Variants in GCFC2 observed in about 807,000 individuals in gnomAD.
The protein encoded by GCFC2 is GC-rich sequence DNA-binding factor 2.
In GCFC2, 102 loss-of-function variants were observed where a neutral mutation model predicts 99.4. The ratio of observed to expected loss-of-function variants is 1.03; its 90% CI spans 0.87 to 1.21. The LOEUF (loss-of-function observed/expected upper bound fraction) is 1.21, where lower values mean the gene tolerates loss of function less well. Among genes scored for constraint, GCFC2 ranks in the 50% most tolerant of loss-of-function variants. GCFC2 has a pLI of 0.00. For synonymous variants in GCFC2, 338 were observed against 316.8 expected (o/e 1.07, Z -0.71); for missense variants, 973 against 920.9 (o/e 1.06, Z -0.73).
chr2:75,690,386 C>T (rs977178818), intron 8 of GCFC2: 8 of 501,104 alleles, frequency 1.6e-5, no homozygotes, highest in East Asian at 1.1e-4. Context: ...TAATTAGGAC[C>T]GGTTTCTAGT....
chr2:75,703,804 G>A (rs1375754448), intron 2 of GCFC2, among the ~76,000 whole-genome samples: 1 of 152,158 alleles, frequency 6.6e-6, no homozygotes, highest in East Asian at 1.9e-4. Flanking sequence ...TGTTTTTATA[G>A]CTCCCTAGAG....
intron 16 of GCFC2, among the ~76,000 whole-genome samples, chr2:75,665,052 G>A (rs1313769857): frequency 6.6e-6 from 1 of 152,180 alleles, no homozygotes; most frequent in Non-Finnish European, 1.5e-5. Flanking sequence ...AGAAATTTCA[G>A]TAGTGCTGCG....
chr2:75,680,195 G>A lies in GCFC2; in HGVS notation c.1810C>T (p.Gln604Ter), dbSNP rs940792754. Residue 604 changes from glutamine (Q) to a stop codon, truncating the protein, a stop_gained and splice_region_variant, in exon 12 of 17, where the codon CAG (glutamine) becomes TAG (stop). Coordinates refer to ENST00000321027, the MANE Select transcript of GCFC2 (RefSeq NM_003203.5). LOFTEE classifies it high-confidence loss of function. ...TTCGCAACTCTAGAAATTATTACCT[G>A]TCTGCTTTTACTAACTTCATTTTCA... is the stretch of plus-strand genomic sequence containing the variant. The part of the protein sequence containing the change: ...TCENEVSKSR[Q>*]DLLKSIVSRM... 2 of 1,598,984 alleles carry A rather than the reference G, an allele frequency of 1.3e-6. No homozygotes were observed. The highest frequency in any genetic ancestry group is 2.7e-5 in the African/African-American group (2 of 74,600).
intron 9 of GCFC2, 114 bp downstream of exon 9, chr2:75,689,855 G>C: frequency 1.6e-6 from 1 of 614,250 alleles, no homozygotes. Flanking sequence ...CATTTTTCCT[G>C]AATTTACCCA....
At chr2:75,679,457 AGAGT>A (rs1396389817) in intron 12 of GCFC2, among the ~76,000 whole-genome samples, 6 of 152,250 alleles carry the variant, frequency 3.9e-5, no homozygotes, top group Admixed American at 6.5e-5. Context: ...CTACAATGAA[AGAGT>A]GAGAAGATTC....
At chr2:75,684,397 T>C (rs1679723591) in intron 11 of GCFC2, among the ~76,000 whole-genome samples, 1 of 152,068 alleles carries the variant, frequency 6.6e-6, no homozygotes, top group South Asian at 2.1e-4. Context: ...AATAAAGAAA[T>C]GGAGGCAGAA....
Position 75,696,018 on chromosome 2 carries a change from T to TG in GCFC2, c.833+181dup, listed in dbSNP as rs564249653. On this transcript the variant is annotated intron_variant, in intron 5 of 16. Transcript: ENST00000321027. ...ACCATAGAAGGCAAAAATGCAGATA[T>TG]GGGGGGGACTAGTGTATACAAAAAT... Among the ~76,000 whole-genome samples, 131 of 152,294 alleles carry TG rather than the reference T, an allele frequency of 8.6e-4. 1 individual carries two copies. Among genetic ancestry groups the TG allele is most frequent in the African/African-American group, 2.9e-3 (121 of 41,568 alleles).
At chr2:75,673,411 A>C (rs1484132024) in intron 13 of GCFC2, 33 bp downstream of exon 13, 2 of 888,236 alleles carry the variant, frequency 2.3e-6, no homozygotes, top group Non-Finnish European at 3.8e-6. Context: ...ATGATCAGCT[A>C]TTTCCAACAA....
At chr2:75,682,065 G>A (rs1573058054) in intron 11 of GCFC2, among the ~76,000 whole-genome samples, 1 of 152,026 alleles carries the variant, frequency 6.6e-6, no homozygotes, top group East Asian at 1.9e-4. Context: ...AGACAGCAGT[G>A]GTTCTCTCAG....
At chr2:75,691,898 T>C (rs923909916) in intron 7 of GCFC2, 79 bp downstream of exon 7, 1 of 770,588 alleles carries the variant, frequency 1.3e-6, no homozygotes. Flanking sequence ...AACATGTTTA[T>C]AAAAATAAAA....
At chr2:75,684,993 A>T (rs1019514697) in intron 11 of GCFC2, among the ~76,000 whole-genome samples, 1 of 152,150 alleles carries the variant, frequency 6.6e-6, no homozygotes, top group Non-Finnish European at 1.5e-5. Flanking sequence ...GTTCTCACTC[A>T]TAAGTGGGAG....
chr2:75,710,398 G>A (rs1423413392), intron 1 of GCFC2, 193 bp downstream of exon 1: 4 of 1,315,214 alleles, frequency 3.0e-6, no homozygotes, highest in Non-Finnish European at 3.9e-6. Flanking sequence ...CCAAAAGGCA[G>A]ATGCAGATAG....
chr2:75,702,462 C>A, intron 2 of GCFC2, 39 bp from the exon 3 acceptor site: 1 of 1,520,222 alleles, frequency 6.6e-7, no homozygotes, highest in South Asian at 1.2e-5. Context: ...AAACCAAAGA[C>A]CAATGTAAGT....
In GCFC2 at chr2:75,662,880, G is replaced by A. The variant is rs1328287541; in HGVS notation, c.*1786C>T. ...TAGAAAAAAATTACAAATTTCATGTGCAATAAAGTGTCTGCCACTTACGTA... is the reference window on the plus strand; with the variant it reads ...TAGAAAAAAATTACAAATTTCATGTACAATAAAGTGTCTGCCACTTACGTA... On this transcript the variant is annotated 3_prime_UTR_variant, in exon 17 of 17. Coordinates refer to ENST00000321027, the MANE Select transcript of GCFC2 (RefSeq NM_003203.5). The A allele has an allele frequency of 1.4e-5, 2 of 146,728 alleles. No individual in the cohort carries two copies. The highest frequency in any genetic ancestry group is 5.1e-5 in the African/African-American group (2 of 39,032). The allele number at this position is 146,728 out of a possible 1,614,324, so 9.1% of individuals were successfully genotyped here.
chr2:75,698,887 G>A (rs59723769), intron 4 of GCFC2, among the ~76,000 whole-genome samples: 3,665 of 151,890 alleles, frequency 0.024, 146 homozygotes, highest in African/African-American at 0.083. Flanking sequence ...TGGTATGTAC[G>A]TGTAGTCCCA....
In GCFC2 at chr2:75,664,641, T is replaced by C. The variant is rs1178755684; in HGVS notation, c.*25A>G. ...GAACTGAGTGTAACTATATTAAAAT[T>C]TTAGCATTTTCCAATAAAGTTTATT... On this transcript the variant is annotated 3_prime_UTR_variant, in exon 17 of 17. Transcript: ENST00000321027. 1 of 1,002,760 alleles carries C rather than the reference T, an allele frequency of 1.0e-6. No individual in the cohort carries two copies. Among genetic ancestry groups the C allele is most frequent in the Non-Finnish European group, 1.6e-6 (1 of 641,110 alleles). 62.1% of individuals were successfully genotyped at this position (1,002,760 alleles called of 1,614,324 possible).
intron 11 of GCFC2, among the ~76,000 whole-genome samples, chr2:75,684,058 C>T (rs1376258585): frequency 6.6e-6 from 1 of 152,112 alleles, no homozygotes; most frequent in Non-Finnish European, 1.5e-5. Flanking sequence ...CTGTCGATAA[C>T]AGACAGATCA....
intron 2 of GCFC2, among the ~76,000 whole-genome samples, 164 bp downstream of exon 2, chr2:75,706,359 T>C (rs1352213084): frequency 6.6e-6 from 1 of 152,204 alleles, no homozygotes; most frequent in African/African-American, 2.4e-5. Context: ...GTCTGACCTG[T>C]GCATGTTAAA....
rs1025902344 is a variant in GCFC2, at chr2:75,670,192, A to C, written c.2049T>G (p.Ile683Met). 5 of 1,609,294 alleles carry C rather than the reference A, an allele frequency of 3.1e-6. No individual in the cohort carries two copies. The highest frequency in any genetic ancestry group is 4.3e-6 in the Non-Finnish European group (5 of 1,175,712). Residue 683 changes from isoleucine to methionine, a missense_variant, in exon 15 of 17, where the codon ATT becomes ATG. By Grantham distance (10) the Ile-to-Met change is conservative (BLOSUM62 1). Coordinates refer to ENST00000321027, the MANE Select transcript of GCFC2 (RefSeq NM_003203.5). ...CAGGTGTGGCATTGAGAAGTGCTATAATAAGGTAACGATTTAGCAGCTTCC... is the reference window on the plus strand; with the variant it reads ...CAGGTGTGGCATTGAGAAGTGCTATCATAAGGTAACGATTTAGCAGCTTCC... ...GLGKLLNRYL[I>M]IALLNATPGP...
Sources: allele counts gnomAD v4.1 joint callset (sites outside exome capture counted in the v4.1 genomes callset), GRCh38; gene constraint gnomAD v4.1.1; transcripts MANE v1.5; gene names NCBI Gene and HGNC (gene_info 2026-07-23, HGNC 2026-07-21).